ZNF511: variants seen among roughly 807,000 people sequenced by gnomAD.
The protein encoded by ZNF511 is zinc finger protein 511.
A neutral mutation model predicts 24.8 loss-of-function variants in ZNF511; 26 were observed. That is an observed-to-expected ratio of 1.05 (90% CI 0.77 to 1.46). The LOEUF (loss-of-function observed/expected upper bound fraction) is 1.46. Among genes scored for constraint, ZNF511 ranks in the 40% most tolerant of loss-of-function variants. The probability of loss-of-function intolerance (pLI) is 0.00; values close to 1 mark genes in which losing one functional copy is unlikely to be tolerated. For synonymous variants in ZNF511, 144 were observed against 139.6 expected, an observed-to-expected ratio of 1.03 and a Z score of -0.22; for missense variants, 358 against 345.0, an observed-to-expected ratio of 1.04 and a Z score of -0.30.
Position 133,313,034 on chromosome 10 carries a change from G to A in ZNF511, c.*168G>A. ...TAGCAGCTGTCATCAGAAGCTGTGA[G>A]GGACCCACAGATTTTGGAAACGACC... On this transcript the variant is annotated 3_prime_UTR_variant, in exon 6 of 6. Coordinates refer to ENST00000361518, the MANE Select transcript of ZNF511 (RefSeq NM_145806.4). 1.4e-6 allele frequency: 2 copies of A among 1,445,082 alleles called. No individual in the cohort carries two copies. The highest frequency in any genetic ancestry group is 1.8e-6 in the Non-Finnish European group (2 of 1,103,708). The allele number at this position is 1,445,082 out of a possible 1,614,324, so 89.5% of individuals were successfully genotyped here. A position where few individuals can be genotyped will look rare whatever the true frequency, so the allele number is the denominator to read the frequency against.
intron 2 of ZNF511, 85 bp from the exon 3 acceptor site, chr10:133,309,691 G>A: frequency 3.3e-6 from 5 of 1,498,024 alleles, no homozygotes; most frequent in Non-Finnish European, 4.6e-6. Context: ...GGCTTTATTG[G>A]ACGTCTCAAA....
rs1403090232 is a variant in ZNF511, at chr10:133,309,429, A to C, written c.193A>C (p.Ile65Leu). The C allele has an allele frequency of 1.4e-5, 22 of 1,612,452 alleles. No homozygotes were observed. Among genetic ancestry groups the C allele is most frequent in the Non-Finnish European group, 1.9e-5 (22 of 1,179,802 alleles). The change falls in exon 2 of 6, where the codon ATC becomes CTC. Residue 65 changes from isoleucine to leucine, a missense_variant. Transcript: ENST00000361518. ...GCGCCACCTCTACCTCCAGGACGTG[A>C]TCATGCAGGTGGCCGACGTGCCTGA... is the stretch of plus-strand genomic sequence containing the variant. ...VQRHLYLQDV[I>L]MQVADVPEKP...
At chr10:133,311,645 T>C (rs1847990217) in intron 4 of ZNF511, 71 bp from the exon 5 acceptor site, 11 of 1,312,616 alleles carry the variant, frequency 8.4e-6, no homozygotes, top group Non-Finnish European at 1.1e-5. Context: ...CTTTCTTGCA[T>C]GTTCATTTCT....
Position 133,309,905 on chromosome 10 carries a change from A to G in ZNF511, c.357A>G (p.Gly119=). Residue 119 remains glycine (G), a synonymous_variant, in exon 3 of 6, where the codon GGA becomes GGG. Coordinates refer to ENST00000361518, the MANE Select transcript of ZNF511 (RefSeq NM_145806.4). Reference sequence around the variant, plus strand: ...TTTGCAAGCGGGCCTTCCCTTCCGGACACCTGCTGGACGCCCACATCCTGG... The same window carrying G: ...TTTGCAAGCGGGCCTTCCCTTCCGGGCACCTGCTGGACGCCCACATCCTGG... ...CSFCKRAFPS[G]HLLDAHILEW... 1 of 1,613,618 alleles carries G rather than the reference A, an allele frequency of 6.2e-7. No homozygotes were observed. Among genetic ancestry groups the G allele is most frequent in the South Asian group, 1.1e-5 (1 of 91,084 alleles).
In ZNF511 at chr10:133,310,150, G is replaced by A. The variant is rs772896303; in HGVS notation, c.430-14G>A. 10 of 1,613,588 alleles carry A rather than the reference G, an allele frequency of 6.2e-6. No homozygotes were observed. The Admixed American group carries it at 6.7e-5, about 11-fold the overall frequency. ...GCCAGGGGTCAGAGGGAGGTGACAC[G>A]GTCTCCATTTCAGTATCAGTGCTTG... On this transcript the variant is annotated splice_polypyrimidine_tract_variant and intron_variant, in intron 3 of 5. Coordinates refer to ENST00000361518, the MANE Select transcript of ZNF511 (RefSeq NM_145806.4).
chr10:133,309,324 C>T (rs1194604026), intron 1 of ZNF511, 66 bp from the exon 2 acceptor site: 6 of 1,554,114 alleles, frequency 3.9e-6, no homozygotes, highest in African/African-American at 1.4e-5. Context: ...CGGGTGTGGG[C>T]GAGGCCTGAC....
Position 133,313,062 on chromosome 10 carries a change from G to A in ZNF511, c.*196G>A. 7.1e-7 allele frequency: 1 copy of A among 1,402,648 alleles called. No individual in the cohort carries two copies. The highest frequency in any genetic ancestry group is 2.5e-5 in the East Asian group (1 of 39,534). The allele number at this position is 1,402,648 out of a possible 1,614,324, so 86.9% of individuals were successfully genotyped here. On this transcript the variant is annotated 3_prime_UTR_variant, in exon 6 of 6. Transcript: ENST00000361518. ...ACCCACAGATTTTGGAAACGACCTG[G>A]ACACACTATTGGGAAGGAGATGTGG...
At chr10:133,312,240 A>G in intron 5 of ZNF511, 2 of 1,360,540 alleles carry the variant, frequency 1.5e-6, no homozygotes, top group Non-Finnish European at 1.9e-6. Context: ...CTGCCTTCCT[A>G]GCATGACCTG....
rs982056716 is a variant in ZNF511, at chr10:133,308,936, C to A, written c.-8C>A. ...GCCGACAGGCTGCGCCCGCCCGCGCCCGGGGTGATGCAGTTGCCCCCCGCG... is the reference window on the plus strand; with the variant it reads ...GCCGACAGGCTGCGCCCGCCCGCGCACGGGGTGATGCAGTTGCCCCCCGCG... On this transcript the variant is annotated 5_prime_UTR_variant, in exon 1 of 6. Coordinates refer to ENST00000361518, the MANE Select transcript of ZNF511 (RefSeq NM_145806.4). The A allele has an allele frequency of 2.2e-5, 27 of 1,223,568 alleles. No individual in the cohort carries two copies. The African/African-American group carries it at 3.9e-4, about 18-fold the overall frequency. 75.8% of individuals were successfully genotyped at this position (1,223,568 alleles called of 1,614,324 possible). A position where few individuals can be genotyped will look rare whatever the true frequency, so the allele number is the denominator to read the frequency against.
chr10:133,311,380 G>A (rs2136154332), intron 4 of ZNF511, among the ~76,000 whole-genome samples: 1 of 152,308 alleles, frequency 6.6e-6, no homozygotes, highest in South Asian at 2.1e-4. Flanking sequence ...GAAGAGACTA[G>A]TTTATAGTCT....
chr10:133,308,939 G>C lies in ZNF511; in HGVS notation c.-5G>C. ...GACAGGCTGCGCCCGCCCGCGCCCG[G>C]GGTGATGCAGTTGCCCCCCGCGCTG... On this transcript the variant is annotated 5_prime_UTR_variant, in exon 1 of 6. Coordinates refer to ENST00000361518, the MANE Select transcript of ZNF511 (RefSeq NM_145806.4). The C allele has an allele frequency of 4.1e-6, 5 of 1,226,576 alleles. No individual in the cohort carries two copies. The highest frequency in any genetic ancestry group is 5.1e-6 in the Non-Finnish European group (5 of 978,902). 76.0% of individuals were successfully genotyped at this position (1,226,576 alleles called of 1,614,324 possible).
chr10:133,311,485 TAC>T (rs1397486976), intron 4 of ZNF511: 1 of 478,008 alleles, frequency 2.1e-6, no homozygotes, highest in African/African-American at 2.0e-5. Context: ...GTATGATTGT[TAC>T]AGTTAAGTTT....
chr10:133,310,897 G>T (rs578067094), intron 4 of ZNF511, among the ~76,000 whole-genome samples: 1 of 152,016 alleles, frequency 6.6e-6, no homozygotes, highest in African/African-American at 2.4e-5. Flanking sequence ...CACTTCTCAG[G>T]CTCAAGCGAT....
chr10:133,312,180 G>A (rs1361978468), intron 5 of ZNF511: 6 of 1,410,400 alleles, frequency 4.3e-6, no homozygotes, highest in South Asian at 1.6e-5. Flanking sequence ...TGCCGTCTGC[G>A]TTTCTAGCGT....
At chr10:133,309,224 G>T (rs1281292110) in intron 1 of ZNF511, 128 bp downstream of exon 1, 2 of 987,146 alleles carry the variant, frequency 2.0e-6, no homozygotes, top group Non-Finnish European at 2.6e-6. Flanking sequence ...GGGACAGGCG[G>T]GACCTGAGGT....
At chr10:133,311,187 G>C (rs944979696) in intron 4 of ZNF511, among the ~76,000 whole-genome samples, 1 of 152,152 alleles carries the variant, frequency 6.6e-6, no homozygotes, top group African/African-American at 2.4e-5. Flanking sequence ...TTATTGATCA[G>C]AGTTTTTCAG....
rs1237644070 is a variant in ZNF511, at chr10:133,312,861, T to C, written c.754T>C (p.Cys252Arg). The C allele has an allele frequency of 1.2e-6, 2 of 1,614,010 alleles. No individual in the cohort carries two copies. The highest frequency in any genetic ancestry group is 1.7e-6 in the Non-Finnish European group (2 of 1,180,016). The change falls in exon 6 of 6, where the codon TGC becomes CGC. Residue 252 changes from cysteine to arginine, a missense_variant. By Grantham distance (180) the Cys-to-Arg change is radical. Coordinates refer to ENST00000361518, the MANE Select transcript of ZNF511 (RefSeq NM_145806.4). ...FKSNKKKTKQ[C>R] ...AAGCAACAAGAAGAAAACCAAACAA[T>C]GCTGATAGACTCAGAAAAGGAGTGG...
chr10:133,311,752 GC>G lies in ZNF511; in HGVS notation c.592del (p.Arg198GlyfsTer104). On this transcript the variant is annotated frameshift_variant, in exon 5 of 6. Transcript: ENST00000361518. LOFTEE classifies it high-confidence loss of function. ...SAEAPGDSGE[R>X]SEGEAMEICS... ...CAGAAGCCCCAGGGGACAGTGGAGA[GC>G]GGTCAGAAGGGGAGGCCATGGAAAT... 6.2e-7 allele frequency: 1 copy of G among 1,613,738 alleles called. No individual in the cohort carries two copies. The highest frequency in any genetic ancestry group is 8.5e-7 in the Non-Finnish European group (1 of 1,180,048).
rs956567043 is a variant in ZNF511 at position 133,308,953 on chromosome 10, C to G, written c.10C>G (p.Pro4Ala). ...GCCCGCGCCCGGGGTGATGCAGTTG[C>G]CCCCCGCGCTGTGCGCCCGCCTCGC... MQL[P>A]PALCARLAAG... Residue 4 changes from proline to alanine, a missense_variant, in exon 1 of 6, where the codon CCC (proline) becomes GCC (alanine). Transcript: ENST00000361518. The G allele has an allele frequency of 2.4e-5, 30 of 1,234,682 alleles. No homozygotes were observed. The African/African-American group carries it at 4.5e-4, about 19-fold the overall frequency. 76.5% of individuals were successfully genotyped at this position (1,234,682 alleles called of 1,614,324 possible). A position where few individuals can be genotyped will look rare whatever the true frequency, so the allele number is the denominator to read the frequency against.
Sources: allele counts gnomAD v4.1 joint callset (sites outside exome capture counted in the v4.1 genomes callset), GRCh38; gene constraint gnomAD v4.1.1; transcripts MANE v1.5; gene names NCBI Gene and HGNC (gene_info 2026-07-23, HGNC 2026-07-21).